Variants in CLSTN1 observed in about 807,000 individuals in gnomAD.
The protein encoded by CLSTN1 is calsyntenin 1.
CLSTN1 carries 28 observed loss-of-function variants against 108.3 expected under a neutral mutation model. The ratio of observed to expected loss-of-function variants is 0.26; its 90% CI spans 0.19 to 0.35. CLSTN1 has a LOEUF of 0.35. Ranked by LOEUF, CLSTN1 falls within the 10% of genes least tolerant of loss-of-function variation. The pLI, the probability that CLSTN1 is intolerant of heterozygous loss-of-function variation, is 1.00. For missense variants in CLSTN1, 1,157 were observed against 1,302.6 expected (o/e 0.89, Z 1.72); for synonymous variants, 524 against 534.9 (o/e 0.98, Z 0.28).
intron 16 of CLSTN1, among the ~76,000 whole-genome samples, chr1:9,732,811 C>T (rs1031890858): frequency 3.9e-5 from 6 of 152,190 alleles, no homozygotes; most frequent in South Asian, 2.1e-4. Flanking sequence ...CAACCTGGGC[C>T]GAGGACTCGA....
At chr1:9,799,725 G>A (rs991813306) in intron 1 of CLSTN1, among the ~76,000 whole-genome samples, 1 of 151,746 alleles carries the variant, frequency 6.6e-6, no homozygotes, top group Non-Finnish European at 1.5e-5. Flanking sequence ...GGCAGATCAT[G>A]AGGTCAAGAG....
At chr1:9,791,582 A>G (rs1653773103) in intron 1 of CLSTN1, among the ~76,000 whole-genome samples, 1 of 150,582 alleles carries the variant, frequency 6.6e-6, no homozygotes, top group African/African-American at 2.4e-5. Flanking sequence ...CCCAGGCTGA[A>G]GCGCAGTGGC....
intron 1 of CLSTN1, among the ~76,000 whole-genome samples, chr1:9,808,358 AT>A (rs1240987849): frequency 6.6e-6 from 1 of 152,210 alleles, no homozygotes; most frequent in African/African-American, 2.4e-5. Flanking sequence ...ATGCGCTGGA[AT>A]TTACTGCCAA....
In CLSTN1 at chr1:9,734,940, C is replaced by T. The variant is rs1446038357; in HGVS notation, c.2110+8G>A. 2 of 1,610,814 alleles carry T rather than the reference C, an allele frequency of 1.2e-6. No individual in the cohort carries two copies. Among genetic ancestry groups the T allele is most frequent in the South Asian group, 1.1e-5 (1 of 91,008 alleles). ...GCGAGGGAGCCCGCGCCCCACAGAG[C>T]ACATTACCTGTGGGGTCCTCAGCCC... On this transcript the variant is annotated splice_region_variant and intron_variant, in intron 14 of 18. Coordinates refer to ENST00000377298, the MANE Select transcript of CLSTN1 (RefSeq NM_001009566.3). The surrounding 1 kb of genome is among the most constrained non-coding windows in gnomAD (Gnocchi z 4.8).
intron 16 of CLSTN1, among the ~76,000 whole-genome samples, chr1:9,732,381 A>G (rs924611381): frequency 1.3e-5 from 2 of 152,118 alleles, no homozygotes; most frequent in African/African-American, 4.8e-5. Context: ...TTTTTATTGC[A>G]TTTTATAAAA....
rs1445896678 is a variant in CLSTN1 at position 9,786,643 on chromosome 1, CG to C, written c.92-13250del. On this transcript the variant is annotated intron_variant, in intron 1 of 18. Transcript: ENST00000377298. ...AGCCTGGCTGACAAGAGTGAGACTCCGTCTCAAAAAAAAAAAAAAAAAAAAA... is the reference window on the plus strand; with the variant it reads ...AGCCTGGCTGACAAGAGTGAGACTCCTCTCAAAAAAAAAAAAAAAAAAAAA... Among the ~76,000 whole-genome samples the C allele has an allele frequency of 4.3e-5, 5 of 116,654 alleles. No individual in the cohort carries two copies. In the East Asian group the frequency reaches 1.3e-3, roughly 29 times the overall value. 76.5% of individuals were successfully genotyped at this position (116,654 alleles called of 152,430 possible).
chr1:9,811,717 C>A (rs548951085), intron 1 of CLSTN1, among the ~76,000 whole-genome samples: 15 of 132,950 alleles, frequency 1.1e-4, no homozygotes, highest in Admixed American at 9.5e-4. Flanking sequence ...CTGACAAATG[C>A]TTGAAATGCA....
At chr1:9,820,236 T>C (rs2101356015) in intron 1 of CLSTN1, among the ~76,000 whole-genome samples, 1 of 152,142 alleles carries the variant, frequency 6.6e-6, no homozygotes, top group African/African-American at 2.4e-5. Context: ...AATTTAAGTT[T>C]GGGCCGGGTG....
intron 1 of CLSTN1, among the ~76,000 whole-genome samples, chr1:9,774,291 C>T (rs1167211267): frequency 3.9e-5 from 6 of 152,032 alleles, no homozygotes; most frequent in African/African-American, 9.7e-5. Context: ...TCCATCCGGG[C>T]GTGGTGGCTC....
chr1:9,735,341 C>T, intron 13 of CLSTN1, 126 bp downstream of exon 13: 1 of 1,431,510 alleles, frequency 7.0e-7, no homozygotes, highest in South Asian at 1.2e-5. Context: ...CAGCTCTCTG[C>T]CCCACACTTT....
At chr1:9,769,798 T>A (rs1652577119) in intron 2 of CLSTN1, among the ~76,000 whole-genome samples, 1 of 151,456 alleles carries the variant, frequency 6.6e-6, no homozygotes, top group Admixed American at 6.6e-5. Context: ...ATCCCAGCAT[T>A]TTGGGAAGCC....
chr1:9,787,025 TG>T (rs751546131), intron 1 of CLSTN1, among the ~76,000 whole-genome samples: 4 of 150,988 alleles, frequency 2.6e-5, no homozygotes, highest in Non-Finnish European at 5.9e-5. Context: ...AGAACGAAGT[TG>T]GGGGTGAAGA....
At chr1:9,764,235 C>CA in intron 2 of CLSTN1, among the ~76,000 whole-genome samples, 1 of 152,102 alleles carries the variant, frequency 6.6e-6, no homozygotes, top group Admixed American at 6.5e-5. Context: ...CACTACCCCC[C>CA]ACCCCACCAC....
Position 9,819,665 on chromosome 1 carries a change from C to CTGAA in CLSTN1, c.91+3974_91+3977dup, listed in dbSNP as rs376856880. On this transcript the variant is annotated intron_variant, in intron 1 of 18. Transcript: ENST00000377298. ...CAGCCAAAGGACGAATTCCAGCTAA[C>CTGAA]TGAAGGTTCCAGTTAACCGAGTGAA... is the stretch of plus-strand genomic sequence containing the variant. 4.6e-3 allele frequency among the ~76,000 whole-genome samples: 696 copies of CTGAA among 152,288 alleles called. 2 individuals are homozygous for CTGAA. The highest frequency in any genetic ancestry group is 0.015 in the African/African-American group (631 of 41,562).
chr1:9,762,169 A>G lies in CLSTN1; in HGVS notation c.215-5659T>C, dbSNP rs528610530. 4.3e-4 allele frequency among the ~76,000 whole-genome samples: 65 copies of G among 151,758 alleles called. No individual in the cohort carries two copies. The South Asian group carries it at 4.4e-3, about 10-fold the overall frequency. On this transcript the variant is annotated intron_variant, in intron 2 of 18. Transcript: ENST00000377298. ...GGAAACGGATCACGGGGCTGTAAAGAAGAGAAAATGGGCCGGGTGTGGTGG... is the reference window on the plus strand; with the variant it reads ...GGAAACGGATCACGGGGCTGTAAAGGAGAGAAAATGGGCCGGGTGTGGTGG...
chr1:9,796,951 C>G (rs1316460723), intron 1 of CLSTN1, among the ~76,000 whole-genome samples: 1 of 152,044 alleles, frequency 6.6e-6, no homozygotes, highest in Non-Finnish European at 1.5e-5. Flanking sequence ...TGAAATGCAA[C>G]AGAGATAAAT....
chr1:9,818,917 G>A (rs1423946890), intron 1 of CLSTN1, among the ~76,000 whole-genome samples: 2 of 149,614 alleles, frequency 1.3e-5, no homozygotes, highest in Non-Finnish European at 3.0e-5. Context: ...CTCCCGAATA[G>A]CTGGGACTAC....
At chr1:9,746,153 A>T (rs917168768) in intron 7 of CLSTN1, among the ~76,000 whole-genome samples, 3 of 152,124 alleles carry the variant, frequency 2.0e-5, no homozygotes, top group African/African-American at 7.2e-5. Flanking sequence ...ACCTTTTCCT[A>T]TTATAAACCT....
At chr1:9,790,856 G>A (rs755059096) in intron 1 of CLSTN1, among the ~76,000 whole-genome samples, 6 of 151,156 alleles carry the variant, frequency 4.0e-5, no homozygotes, top group East Asian at 2.0e-4. Flanking sequence ...AAACAGGGCC[G>A]GGCGCGGCGG....
Sources: allele counts gnomAD v4.1 joint callset (sites outside exome capture counted in the v4.1 genomes callset), GRCh38; gene constraint gnomAD v4.1.1; non-coding constraint Gnocchi (gnomAD v3.1); transcripts MANE v1.5; gene names NCBI Gene and HGNC (gene_info 2026-07-23, HGNC 2026-07-21).